PKP4: variants seen among roughly 807,000 people sequenced by gnomAD.
PKP4 encodes plakophilin 4, also known as plakophilin-4.
PKP4 carries 90 observed loss-of-function variants against 145.1 expected under a neutral mutation model. That is an observed-to-expected ratio of 0.62 (90% confidence interval 0.52 to 0.74). PKP4 has a LOEUF of 0.74. Ranked by LOEUF, PKP4 falls within the 30% of genes least tolerant of loss-of-function variation. PKP4 has a pLI of 0.00. For missense variants in PKP4, 1,340 were observed against 1,482.7 expected (o/e 0.90, Z 1.58); for synonymous variants, 563 against 577.2 (o/e 0.98, Z 0.35).
rs530225214 is a variant in PKP4, at chr2:158,584,482, G to C, written c.245+7099G>C. ...TGTACGATCTGTGTTCACATTTCAC[G>C]CAAGCAGAGAAGTTACACTAGTGGT... On this transcript the variant is annotated intron_variant, in intron 3 of 21. Transcript: ENST00000389759. 9.5e-4 allele frequency among the ~76,000 whole-genome samples: 145 copies of C among 152,270 alleles called. No individual in the cohort carries two copies. The Middle Eastern group carries it at 0.014, about 14-fold the overall frequency.
chr2:158,460,229 A>G lies in PKP4; in HGVS notation c.-6+3011A>G, dbSNP rs1028461961. On this transcript the variant is annotated intron_variant, in intron 1 of 21. Coordinates refer to ENST00000389759, the MANE Select transcript of PKP4 (RefSeq NM_003628.6). Reference sequence around the variant, plus strand: ...ACATTATTGCAGCAGTAATGCATTTATAAGCTGAATAAATCAAATCTAATT... The same window carrying G: ...ACATTATTGCAGCAGTAATGCATTTGTAAGCTGAATAAATCAAATCTAATT... Among the ~76,000 whole-genome samples the G allele has an allele frequency of 2.6e-5, 4 of 152,324 alleles. No individual in the cohort carries two copies. In the South Asian group the frequency reaches 8.3e-4, roughly 32 times the overall value.
Position 158,634,182 on chromosome 2 carries a change from A to G in PKP4, c.1455A>G (p.Ile485Met), listed in dbSNP as rs907721929. ...TATYAEPYRP[I>M]QYRVQECNYN... ...CCTACGCGGAGCCCTACAGGCCTAT[A>G]CAATACCGAGTGCAAGAGTGCAATT... Residue 485 changes from isoleucine to methionine, a missense_variant, in exon 9 of 22, where the codon ATA (isoleucine) becomes ATG (methionine). Coordinates refer to ENST00000389759, the MANE Select transcript of PKP4 (RefSeq NM_003628.6). 9 of 1,614,058 alleles carry G rather than the reference A, an allele frequency of 5.6e-6. No individual in the cohort carries two copies. The highest frequency in any genetic ancestry group is 1.1e-5 in the South Asian group (1 of 91,082).
intron 3 of PKP4, among the ~76,000 whole-genome samples, chr2:158,589,696 TG>T (rs1439162912): frequency 6.6e-6 from 1 of 152,192 alleles, no homozygotes; most frequent in Non-Finnish European, 1.5e-5. Flanking sequence ...GGAAATTTTT[TG>T]TAATTCCTTC....
intron 1 of PKP4, among the ~76,000 whole-genome samples, chr2:158,510,528 A>G (rs1489973304): frequency 6.6e-6 from 1 of 152,240 alleles, no homozygotes; most frequent in Non-Finnish European, 1.5e-5. Flanking sequence ...AAAAAAGGCA[A>G]TTTCAGAACA....
At chr2:158,587,475 G>A (rs1406097919) in intron 3 of PKP4, among the ~76,000 whole-genome samples, 1 of 151,918 alleles carries the variant, frequency 6.6e-6, no homozygotes, top group African/African-American at 2.4e-5. Context: ...TATTGATAAA[G>A]TACTTTAATA....
chr2:158,516,045 T>C (rs75104620), intron 1 of PKP4, among the ~76,000 whole-genome samples: 11 of 95,066 alleles, frequency 1.2e-4, no homozygotes, highest in Non-Finnish European at 1.5e-4. Flanking sequence ...AATCCATCTT[T>C]TTTTTTTTTT....
chr2:158,583,986 G>A (rs1302964042), intron 3 of PKP4, among the ~76,000 whole-genome samples: 4 of 152,056 alleles, frequency 2.6e-5, no homozygotes, highest in East Asian at 1.9e-4. Context: ...ATGGTTTAGC[G>A]CCAGGTTCCC....
chr2:158,626,393 A>G (rs895800713), intron 7 of PKP4, among the ~76,000 whole-genome samples: 2 of 152,200 alleles, frequency 1.3e-5, no homozygotes, highest in African/African-American at 2.4e-5. Flanking sequence ...TTATAGATAT[A>G]TCATAATTTA....
chr2:158,531,702 C>G (rs2043560315), intron 1 of PKP4, among the ~76,000 whole-genome samples: 1 of 152,154 alleles, frequency 6.6e-6, no homozygotes, highest in Admixed American at 6.5e-5. Context: ...AAGGTAGAAA[C>G]TCCCCCCAGG....
At chr2:158,499,969 T>C (rs979732043) in intron 1 of PKP4, among the ~76,000 whole-genome samples, 3 of 152,192 alleles carry the variant, frequency 2.0e-5, no homozygotes, top group Non-Finnish European at 4.4e-5. Flanking sequence ...GAAAGTGAGA[T>C]AATTTCCCAG....
chr2:158,587,982 T>C (rs1344503832), intron 3 of PKP4, among the ~76,000 whole-genome samples: 1 of 152,058 alleles, frequency 6.6e-6, no homozygotes, highest in Non-Finnish European at 1.5e-5. Context: ...TACACCTTGA[T>C]TTTTTCCATT....
chr2:158,654,430 AAGAT>A (rs2055708773), intron 11 of PKP4, among the ~76,000 whole-genome samples: 1 of 152,226 alleles, frequency 6.6e-6, no homozygotes. Flanking sequence ...AGTTGACTAA[AAGAT>A]AGCATAGTCA....
At chr2:158,547,904 C>G (rs539326626) in intron 2 of PKP4, among the ~76,000 whole-genome samples, 14 of 152,178 alleles carry the variant, frequency 9.2e-5, no homozygotes, top group Non-Finnish European at 2.1e-4. Context: ...AGTGAAGCTC[C>G]GTGAAGTCGG....
chr2:158,591,808 A>G (rs1244015139), intron 3 of PKP4, among the ~76,000 whole-genome samples: 5 of 152,084 alleles, frequency 3.3e-5, no homozygotes, highest in Non-Finnish European at 7.4e-5. Context: ...TACCTTTCCT[A>G]TCAATGATGT....
At position 158,631,823 on chromosome 2, in the gene PKP4, C is replaced by T; in HGVS notation, c.1224C>T (p.Asp408=). Residue 408 remains aspartate, a synonymous_variant, in exon 8 of 22, where the codon GAC becomes GAT. Transcript: ENST00000389759. ...ACCTTCGTTCTGCCGTGTCTCCCGA[C>T]TTGCACATTACTCCTATATATGAGG... ...GQDLRSAVSP[D]LHITPIYEGR... 6.2e-7 allele frequency: 1 copy of T among 1,614,070 alleles called. No homozygotes were observed. The highest frequency in any genetic ancestry group is 2.2e-5 in the East Asian group (1 of 44,894).
intron 1 of PKP4, among the ~76,000 whole-genome samples, chr2:158,496,416 C>T (rs1037504694): frequency 6.6e-6 from 1 of 152,100 alleles, no homozygotes; most frequent in South Asian, 2.1e-4. Flanking sequence ...TTTATCGATT[C>T]TGTGAATTTG....
intron 2 of PKP4, among the ~76,000 whole-genome samples, chr2:158,566,657 G>A (rs1314729041): frequency 6.6e-6 from 1 of 151,926 alleles, no homozygotes; most frequent in Non-Finnish European, 1.5e-5. Flanking sequence ...TGATAGCAAT[G>A]GTTGTCATTG....
At chr2:158,664,150 C>G (rs1185434562) in intron 15 of PKP4, among the ~76,000 whole-genome samples, 1 of 152,044 alleles carries the variant, frequency 6.6e-6, no homozygotes, top group Admixed American at 6.5e-5. Flanking sequence ...AAGGTGGATT[C>G]GAGGAAGGGA....
At chr2:158,635,882 G>T (rs936336685) in intron 9 of PKP4, among the ~76,000 whole-genome samples, 1 of 151,604 alleles carries the variant, frequency 6.6e-6, no homozygotes, top group Non-Finnish European at 1.5e-5. Flanking sequence ...AAAAGCTCAT[G>T]ACAACTGTTA....
Sources: gnomAD v4.1 joint callset for allele counts (sites outside exome capture counted in the v4.1 genomes callset) on GRCh38, gnomAD v4.1.1 for gene constraint, MANE v1.5 for transcripts, NCBI Gene and HGNC (gene_info 2026-07-23, HGNC 2026-07-21) for gene names.